The following SLC36A2 variants were observed in gnomAD, a reference collection of about 807,000 sequenced individuals.
SLC36A2 encodes proton-coupled amino acid transporter 2.
A neutral mutation model predicts 42.7 loss-of-function variants in SLC36A2; 39 were observed. The observed-to-expected ratio is 0.91, with a 90% confidence interval of 0.71 to 1.19. SLC36A2 has a LOEUF of 1.19. SLC36A2 is among the 50% of genes most tolerant of loss of function. The pLI, the probability that SLC36A2 is intolerant of heterozygous loss-of-function variation, is 0.00. For synonymous variants in SLC36A2, 237 were observed against 240.8 expected, an observed-to-expected ratio of 0.98 and a Z score of 0.15; for missense variants, 590 against 613.7, an observed-to-expected ratio of 0.96 and a Z score of 0.41.
At chr5:151,326,572 TA>T (rs1414737715) in intron 7 of SLC36A2, among the ~76,000 whole-genome samples, 11 of 152,312 alleles carry the variant, frequency 7.2e-5, no homozygotes, top group Middle Eastern at 3.4e-3. Context: ...TACCTGGTTC[TA>T]AGAGAATCCA....
rs1756293478 is a variant in SLC36A2, at chr5:151,340,190, GTGGAGGAGGAGGA to G, written c.441-1059_441-1047del. On this transcript the variant is annotated intron_variant, in intron 4 of 9. Coordinates refer to ENST00000335244, the MANE Select transcript of SLC36A2 (RefSeq NM_181776.3). ...GAGGAAGGAGGAGGAGGAGGAAGAGGTGGAGGAGGAGGAGAGGAGGAGGAGGGAGAGGAGGAGG... is the reference window on the plus strand; with the variant it reads ...GAGGAAGGAGGAGGAGGAGGAAGAGGGAGGAGGAGGAGGGAGAGGAGGAGG... Among the ~76,000 whole-genome samples, 3 of 69,040 alleles carry G rather than the reference GTGGAGGAGGAGGA, an allele frequency of 4.3e-5. No individual in the cohort carries two copies. In the African/African-American group the frequency reaches 5.0e-4, roughly 11 times the overall value. 45.3% of individuals were successfully genotyped at this position (69,040 alleles called of 152,430 possible). A position where few individuals can be genotyped will look rare whatever the true frequency, so the allele number is the denominator to read the frequency against.
At chr5:151,346,145 A>G (rs1374655064) in intron 1 of SLC36A2, among the ~76,000 whole-genome samples, 3 of 152,188 alleles carry the variant, frequency 2.0e-5, no homozygotes, top group Non-Finnish European at 2.9e-5. Flanking sequence ...CAAACCTTGT[A>G]TCAGTTCAGG....
Position 151,347,302 on chromosome 5 carries a change from G to A in SLC36A2, c.159C>T (p.Gly53=). The A allele has an allele frequency of 6.2e-7, 1 of 1,614,188 alleles. No individual in the cohort carries two copies. The highest frequency in any genetic ancestry group is 8.5e-7 in the Non-Finnish European group (1 of 1,180,018). ...TGGCAGAAAACAGCACTCACGTTATGCCCTTGGTCTTCTTCAAGCCTGCTG... is the reference window on the plus strand; with the variant it reads ...TGGCAGAAAACAGCACTCACGTTATACCCTTGGTCTTCTTCAAGCCTGCTG... ...SESAGLKKTK[G]ITVFQALIHL... The change falls in exon 1 of 10, where the codon GGC becomes GGT. Residue 53 remains glycine (G), a synonymous_variant. Coordinates refer to ENST00000335244, the MANE Select transcript of SLC36A2 (RefSeq NM_181776.3).
At chr5:151,342,849 G>A (rs1756385010) in intron 4 of SLC36A2, 39 bp downstream of exon 4, 3 of 1,551,846 alleles carry the variant, frequency 1.9e-6, no homozygotes, top group African/African-American at 1.4e-5. Flanking sequence ...TTCTCCTCCT[G>A]TGTCCTACCC....
intron 7 of SLC36A2, among the ~76,000 whole-genome samples, chr5:151,326,762 T>C (rs959004970): frequency 2.0e-5 from 3 of 152,180 alleles, no homozygotes; most frequent in Non-Finnish European, 4.4e-5. Flanking sequence ...CTACATGCAC[T>C]ATTTAGCTGA....
At chr5:151,327,105 A>G (rs1755875516) in intron 7 of SLC36A2, among the ~76,000 whole-genome samples, 1 of 152,162 alleles carries the variant, frequency 6.6e-6, no homozygotes, top group African/African-American at 2.4e-5. Flanking sequence ...GAGAGACATC[A>G]CATGTGGCTG....
At position 151,347,536 on chromosome 5, in the gene SLC36A2, T is replaced by G; in HGVS notation, c.-76A>C. 1 of 1,566,742 alleles carries G rather than the reference T, an allele frequency of 6.4e-7. No individual in the cohort carries two copies. The highest frequency in any genetic ancestry group is 8.8e-7 in the Non-Finnish European group (1 of 1,142,854). ...AGGAGGGAAGCAGGAAGGTGTCTAG[T>G]GTAGATGTACACCCCAGCACAGTGG... On this transcript the variant is annotated 5_prime_UTR_variant, in exon 1 of 10. Coordinates refer to ENST00000335244, the MANE Select transcript of SLC36A2 (RefSeq NM_181776.3).
intron 8 of SLC36A2, among the ~76,000 whole-genome samples, chr5:151,323,250 GATAGATAAATAAATAA>G (rs1755749284): frequency 8.3e-6 from 1 of 120,310 alleles, no homozygotes; most frequent in African/African-American, 2.9e-5. Flanking sequence ...TAAATAGATA[GATAGATAAATAAATAA>G]ATAAATAAAT....
intron 4 of SLC36A2, 100 bp downstream of exon 4, chr5:151,342,788 G>A: frequency 1.0e-6 from 1 of 957,106 alleles, no homozygotes; most frequent in Non-Finnish European, 1.7e-6. Flanking sequence ...TAACATAGAA[G>A]TGCCAAACAA....
intron 8 of SLC36A2, among the ~76,000 whole-genome samples, chr5:151,322,847 A>G (rs1755735741): frequency 6.6e-6 from 1 of 152,182 alleles, no homozygotes; most frequent in Non-Finnish European, 1.5e-5. Context: ...TTCAAGGGAT[A>G]TTGAGTTCTA....
At chr5:151,341,184 C>G (rs988841102) in intron 4 of SLC36A2, among the ~76,000 whole-genome samples, 2 of 152,020 alleles carry the variant, frequency 1.3e-5, no homozygotes, top group African/African-American at 4.8e-5. Flanking sequence ...AAAGAAGATC[C>G]CTAAATGGAG....
intron 7 of SLC36A2, among the ~76,000 whole-genome samples, chr5:151,330,288 T>A (rs374152825): frequency 7.9e-5 from 12 of 152,180 alleles, no homozygotes; most frequent in African/African-American, 2.9e-4. Flanking sequence ...TTAAAGAAGA[T>A]TTTAAAAAGT....
chr5:151,342,208 G>C (rs904628771), intron 4 of SLC36A2, among the ~76,000 whole-genome samples: 2 of 152,294 alleles, frequency 1.3e-5, no homozygotes, highest in Admixed American at 6.5e-5. Context: ...TTGGGTGCCT[G>C]GCTCCTTCTT....
At chr5:151,345,591 T>G (rs564869281) in intron 1 of SLC36A2, among the ~76,000 whole-genome samples, 88 of 152,340 alleles carry the variant, frequency 5.8e-4, no homozygotes, top group African/African-American at 2.0e-3. Context: ...CCTTTCTCCC[T>G]GTGGGTGTCC....
In SLC36A2 at chr5:151,317,035, A is replaced by G; in HGVS notation, c.1234T>C (p.Ser412Pro). 6.2e-7 allele frequency: 1 copy of G among 1,614,084 alleles called. No individual in the cohort carries two copies. The highest frequency in any genetic ancestry group is 8.5e-7 in the Non-Finnish European group (1 of 1,180,008). ...AGGGCCAGGGCGGTGCCACTCACGG[A>G]GCCCACCAGGGAGATGACCAGGTCC... The part of the protein sequence containing the change: ...RLDLVISLVG[S>P]VSGTALALII... Residue 412 changes from serine (S) to proline (P), a missense_variant, in exon 10 of 10, where the codon TCC becomes CCC. Physicochemically the swap from Ser to Pro is moderately conservative, Grantham distance 74. Coordinates refer to ENST00000335244, the MANE Select transcript of SLC36A2 (RefSeq NM_181776.3).
At chr5:151,344,149 A>C in intron 2 of SLC36A2, 28 bp downstream of exon 2, 1 of 1,605,196 alleles carries the variant, frequency 6.2e-7, no homozygotes, top group East Asian at 2.2e-5. Flanking sequence ...ACTGACCATA[A>C]AGCCCCCACA....
chr5:151,333,645 C>T (rs1158186831), intron 6 of SLC36A2, among the ~76,000 whole-genome samples: 1 of 152,026 alleles, frequency 6.6e-6, no homozygotes, highest in Non-Finnish European at 1.5e-5. Flanking sequence ...AGGCAGATCA[C>T]GAGGTCAGGA....
At chr5:151,325,130 C>A in intron 8 of SLC36A2, 156 bp downstream of exon 8, 1 of 869,908 alleles carries the variant, frequency 1.1e-6, no homozygotes, top group Admixed American at 2.0e-5. Flanking sequence ...ACTCCCAGGA[C>A]AGAGAATCTG....
chr5:151,347,154 T>C, intron 1 of SLC36A2, 143 bp downstream of exon 1: 2 of 968,576 alleles, frequency 2.1e-6, no homozygotes, highest in Non-Finnish European at 3.3e-6. Context: ...TCAGCTTGAC[T>C]CAGCCCATGA....
Sources: allele counts gnomAD v4.1 joint callset (sites outside exome capture counted in the v4.1 genomes callset), GRCh38; gene constraint gnomAD v4.1.1; transcripts MANE v1.5; gene names NCBI Gene and HGNC (gene_info 2026-07-23, HGNC 2026-07-21).